SEC14L4: variants seen among roughly 807,000 people sequenced by gnomAD.
The protein encoded by SEC14L4 is SEC14-like protein 4.
SEC14L4 carries 42 observed loss-of-function variants against 55.1 expected under a neutral mutation model. The ratio of observed to expected loss-of-function variants is 0.76; its 90% confidence interval spans 0.60 to 0.99. The LOEUF (loss-of-function observed/expected upper bound fraction) is 0.99. Among genes scored for constraint, SEC14L4 ranks in the 50% least tolerant of loss-of-function variants. The pLI is 0.00. For missense variants in SEC14L4, 445 were observed against 512.1 expected (o/e 0.87, Z 1.27); for synonymous variants, 206 against 206.8 (o/e 1.00, Z 0.03).
At position 30,492,063 on chromosome 22, in the gene SEC14L4, T is replaced by C; in HGVS notation, c.757A>G (p.Lys253Glu). 6.2e-7 allele frequency: 1 copy of C among 1,613,780 alleles called. No individual in the cohort carries two copies. Among genetic ancestry groups the C allele is most frequent in the Non-Finnish European group, 8.5e-7 (1 of 1,179,818 alleles). The change falls in exon 9 of 12, where the codon AAG (lysine) becomes GAG (glutamate). Residue 253 changes from lysine (K) to glutamate (E), a missense_variant. By Grantham distance (56) the Lys-to-Glu change is moderately conservative (BLOSUM62 1). Coordinates refer to ENST00000255858, the MANE Select transcript of SEC14L4 (RefSeq NM_174977.4). ...GCACCCTGTACCTTGGTCAGGCACT[T>C]GGGGTTGCCATCGGGGTCAGTCATG... ...GTMTDPDGNP[K>E]CLTKINYGGE...
chr22:30,489,678 C>T lies in SEC14L4; in HGVS notation c.*429G>A, dbSNP rs1472220743. 6 of 637,754 alleles carry T rather than the reference C, an allele frequency of 9.4e-6. No homozygotes were observed. The highest frequency in any genetic ancestry group is 5.6e-5 in the South Asian group (3 of 53,438). 39.5% of individuals were successfully genotyped at this position (637,754 alleles called of 1,614,324 possible). Reference sequence around the variant, plus strand: ...GACCTCCTACATGCAGAGAACAGGGCTTCTCTGCTCTTCAGGCCTGAAGCT... The same window carrying T: ...GACCTCCTACATGCAGAGAACAGGGTTTCTCTGCTCTTCAGGCCTGAAGCT... On this transcript the variant is annotated 3_prime_UTR_variant, in exon 12 of 12. Transcript: ENST00000255858.
intron 3 of SEC14L4, 37 bp from the exon 4 acceptor site, chr22:30,495,679 G>A: frequency 6.2e-7 from 1 of 1,613,696 alleles, no homozygotes; most frequent in Non-Finnish European, 8.5e-7. Context: ...GATTTTGCAG[G>A]AACCTGGGGA....
intron 2 of SEC14L4, among the ~76,000 whole-genome samples, chr22:30,497,399 C>A (rs539712994): frequency 3.0e-4 from 45 of 152,036 alleles, no homozygotes; most frequent in African/African-American, 9.9e-4. Context: ...GTGGTGCACA[C>A]CTGTAGTCCC....
At chr22:30,503,260 G>GT (rs1382473626) in intron 2 of SEC14L4, among the ~76,000 whole-genome samples, 1 of 149,872 alleles carries the variant, frequency 6.7e-6, no homozygotes, top group Non-Finnish European at 1.5e-5. Flanking sequence ...TGTGTTTTTT[G>GT]TTTTTTTGTT....
In SEC14L4 at chr22:30,494,856, C is replaced by T. The variant is rs552387027; in HGVS notation, c.519+10G>A. On this transcript the variant is annotated intron_variant, in intron 6 of 11. Transcript: ENST00000255858. ...GCCCACACCAGCCCCAAGCCAGCCA[C>T]CCACCTTACCTGCTGGTAGACCTCC... 3.1e-6 allele frequency: 5 copies of T among 1,603,994 alleles called. No homozygotes were observed. The South Asian group carries it at 4.4e-5, about 14-fold the overall frequency.
At chr22:30,496,638 G>A (rs1936161545) in intron 2 of SEC14L4, among the ~76,000 whole-genome samples, 1 of 152,128 alleles carries the variant, frequency 6.6e-6, no homozygotes, top group Admixed American at 6.5e-5. Flanking sequence ...GGGGCTTAAA[G>A]TCTAGTGTTG....
At chr22:30,499,663 T>C (rs58661014) in intron 2 of SEC14L4, among the ~76,000 whole-genome samples, 2 of 151,118 alleles carry the variant, frequency 1.3e-5, no homozygotes, top group African/African-American at 2.4e-5. Context: ...CACTTGAACC[T>C]GGGAGGTGGA....
chr22:30,490,344 GCTGCATCCCTGGAACGTC>G (rs954427772), intron 11 of SEC14L4, 98 bp from the exon 12 acceptor site: 3 of 1,569,006 alleles, frequency 1.9e-6, no homozygotes, highest in African/African-American at 1.3e-5. Context: ...TTGGGAATGA[GCTGCATCCCTGGAACGTC>G]CTGCATCCCT....
intron 2 of SEC14L4, among the ~76,000 whole-genome samples, chr22:30,501,095 G>A (rs982873942): frequency 5.3e-5 from 8 of 152,124 alleles, no homozygotes; most frequent in African/African-American, 1.7e-4. Context: ...TCAGAAGGAG[G>A]GTTGGGAAAA....
chr22:30,494,982 T>C (rs1936090687), intron 5 of SEC14L4, 21 bp from the exon 6 acceptor site: 1 of 1,604,914 alleles, frequency 6.2e-7, no homozygotes, highest in Admixed American at 1.7e-5. Context: ...CAGAGTCATA[T>C]AGGTCAGACG....
In SEC14L4 at chr22:30,494,199, G is replaced by C. The variant is rs766778067; in HGVS notation, c.531C>G (p.Ile177Met). ...AVEVYQQFFS[I>M]LEANYPETLK... Reference sequence around the variant, plus strand: ...GGGTCTCAGGATAATTTGCTTCCAGGATGCTAAAAAACTGTGGAGTCAAGA... The same window carrying C: ...GGGTCTCAGGATAATTTGCTTCCAGCATGCTAAAAAACTGTGGAGTCAAGA... Residue 177 changes from isoleucine to methionine, a missense_variant, in exon 7 of 12, where the codon ATC becomes ATG. Ile to Met is a conservative substitution (Grantham distance 10). Coordinates refer to ENST00000255858, the MANE Select transcript of SEC14L4 (RefSeq NM_174977.4). The C allele has an allele frequency of 6.2e-7, 1 of 1,613,578 alleles. No individual in the cohort carries two copies. The highest frequency in any genetic ancestry group is 1.1e-5 in the South Asian group (1 of 91,040).
At chr22:30,492,802 G>C (rs1488920321) in intron 7 of SEC14L4, 6 of 449,248 alleles carry the variant, frequency 1.3e-5, no homozygotes, top group Non-Finnish European at 2.4e-5. Flanking sequence ...GGTTGTCTCA[G>C]GCCAGGCGCA....
chr22:30,498,917 C>T (rs530306390), intron 2 of SEC14L4, among the ~76,000 whole-genome samples: 36 of 152,090 alleles, frequency 2.4e-4, no homozygotes, highest in African/African-American at 8.2e-4. Flanking sequence ...GATAAACTTC[C>T]CTTGGTCACG....
At chr22:30,492,425 C>A (rs5997665) in intron 8 of SEC14L4, 49 bp downstream of exon 8, 1 of 1,508,270 alleles carries the variant, frequency 6.6e-7, no homozygotes, top group South Asian at 1.1e-5. Context: ...TTAGCATTGA[C>A]CTCTGCTTCC....
intron 11 of SEC14L4, among the ~76,000 whole-genome samples, chr22:30,491,157 A>T: frequency 6.6e-6 from 1 of 152,176 alleles, no homozygotes; most frequent in East Asian, 1.9e-4. Flanking sequence ...GGTAAAGCTG[A>T]CTGAGCTGCA....
At chr22:30,501,844 C>CGCATATAT (rs1936331980) in intron 2 of SEC14L4, among the ~76,000 whole-genome samples, 1 of 50,282 alleles carries the variant, frequency 2.0e-5, no homozygotes, top group Non-Finnish European at 3.5e-5. Flanking sequence ...CACACACACG[C>CGCATATAT]ACATATATAT....
intron 8 of SEC14L4, 100 bp from the exon 9 acceptor site, chr22:30,492,255 T>A: frequency 6.9e-7 from 1 of 1,445,220 alleles, no homozygotes; most frequent in Non-Finnish European, 9.5e-7. Flanking sequence ...GTCCTGGGCG[T>A]GCTCCCCCGG....
chr22:30,500,971 G>A (rs956870931), intron 2 of SEC14L4, among the ~76,000 whole-genome samples: 3 of 151,486 alleles, frequency 2.0e-5, no homozygotes, highest in Non-Finnish European at 4.4e-5. Flanking sequence ...CGAGGCGGGA[G>A]GATCATTTTG....
intron 1 of SEC14L4, among the ~76,000 whole-genome samples, chr22:30,504,269 G>T (rs974707312): frequency 1.2e-4 from 18 of 151,986 alleles, no homozygotes; most frequent in Admixed American, 1.2e-3. Flanking sequence ...TGCCCAGGCT[G>T]GTCTCAAACT....
Sources: gnomAD v4.1 joint callset for allele counts (sites outside exome capture counted in the v4.1 genomes callset) on GRCh38, gnomAD v4.1.1 for gene constraint, MANE v1.5 for transcripts, NCBI Gene and HGNC (gene_info 2026-07-23, HGNC 2026-07-21) for gene names.